Variants in PRKN observed in about 807,000 individuals in gnomAD.
The protein encoded by PRKN is parkin RBR E3 ubiquitin protein ligase.
Under a neutral mutation model 59.5 loss-of-function variants are expected in PRKN, and 56 were observed. That is an observed-to-expected ratio of 0.94 (90% CI 0.76 to 1.18). PRKN has a LOEUF of 1.18. PRKN is among the 50% of genes most tolerant of loss of function. PRKN has a pLI of 0.00. For missense variants in PRKN, 657 were observed against 596.4 expected, an observed-to-expected ratio of 1.10 and a Z score of -1.06; for synonymous variants, 250 against 222.1, an observed-to-expected ratio of 1.13 and a Z score of -1.12.
intron 1 of PRKN, among the ~76,000 whole-genome samples, chr6:162,546,304 T>C (rs1020616317): frequency 2.0e-5 from 3 of 151,974 alleles, no homozygotes; most frequent in Admixed American, 1.3e-4. Flanking sequence ...GGTTTTACCA[T>C]GTTGGCCAGG....
In PRKN at chr6:161,475,296, G is replaced by T. The variant is rs1791012157; in HGVS notation, c.1083+73558C>A. 6.6e-6 allele frequency among the ~76,000 whole-genome samples: 1 copy of T among 152,144 alleles called. No homozygotes were observed. The highest frequency in any genetic ancestry group is 2.4e-5 in the African/African-American group (1 of 41,426). On this transcript the variant is annotated intron_variant, in intron 9 of 11. Coordinates refer to ENST00000366898, the MANE Select transcript of PRKN (RefSeq NM_004562.3). This position sits in a 1 kb window ranked among gnomAD's most constrained non-coding sequence, Gnocchi z 5.3. ...AATGCAGTCACCTCTTCCCACACTG[G>T]TGACCCAGACATTCACGTTGCTTTC...
chr6:162,623,903 C>T (rs1382785964), intron 1 of PRKN, among the ~76,000 whole-genome samples: 1 of 152,108 alleles, frequency 6.6e-6, no homozygotes, highest in African/African-American at 2.4e-5. Context: ...GCTTCACAGC[C>T]TAGCTTCATT....
rs1784727959 is a variant in PRKN, at chr6:161,355,858, G to A, written c.1285+4230C>T. 6.6e-6 allele frequency among the ~76,000 whole-genome samples: 1 copy of A among 152,194 alleles called. No homozygotes were observed. Among genetic ancestry groups the A allele is most frequent in the African/African-American group, 2.4e-5 (1 of 41,446 alleles). On this transcript the variant is annotated intron_variant, in intron 11 of 11. Coordinates refer to ENST00000366898, the MANE Select transcript of PRKN (RefSeq NM_004562.3). The surrounding 1 kb of genome is among the most constrained non-coding windows in gnomAD (Gnocchi z 6.8). Reference sequence around the variant, plus strand: ...AATGAACAAATTAAGCAATGATCTGGGAAGGAAGTGGTGCTATGAAATTAT... The same window carrying A: ...AATGAACAAATTAAGCAATGATCTGAGAAGGAAGTGGTGCTATGAAATTAT...
intron 1 of PRKN, among the ~76,000 whole-genome samples, chr6:162,643,412 A>AAAAAGAAAG (rs71784410): frequency 7.2e-6 from 1 of 139,612 alleles, no homozygotes; most frequent in Non-Finnish European, 1.5e-5. Flanking sequence ...AAAAAAAAAA[A>AAAAAGAAAG]AAAGAAAGAA....
chr6:161,679,868 C>A (rs1235209038), intron 7 of PRKN, among the ~76,000 whole-genome samples: 1 of 150,038 alleles, frequency 6.7e-6, no homozygotes, highest in East Asian at 2.0e-4. Flanking sequence ...CATTCTCCTG[C>A]CTCAGCCCCC....
chr6:162,599,459 T>G (rs1781615547), intron 1 of PRKN, among the ~76,000 whole-genome samples: 2 of 151,756 alleles, frequency 1.3e-5, no homozygotes, highest in Admixed American at 6.6e-5. Flanking sequence ...GGGTTCAAAT[T>G]GACATACTTT....
At chr6:162,679,821 T>G (rs947501351) in intron 1 of PRKN, among the ~76,000 whole-genome samples, 1 of 152,160 alleles carries the variant, frequency 6.6e-6, no homozygotes, top group African/African-American at 2.4e-5. Flanking sequence ...CCCTCTCTAT[T>G]TTGCCTCTGA....
At chr6:161,626,372 G>A (rs746183728) in intron 7 of PRKN, among the ~76,000 whole-genome samples, 3 of 152,166 alleles carry the variant, frequency 2.0e-5, no homozygotes, top group Non-Finnish European at 2.9e-5. Context: ...ATGTGTACAC[G>A]AACAGGGGCC....
At chr6:162,572,973 A>G (rs1423278504) in intron 1 of PRKN, among the ~76,000 whole-genome samples, 1 of 152,206 alleles carries the variant, frequency 6.6e-6, no homozygotes, top group Non-Finnish European at 1.5e-5. Context: ...ACAGTCAGTA[A>G]AAGGCAACAG....
chr6:161,531,103 C>T (rs553172535), intron 9 of PRKN, among the ~76,000 whole-genome samples: 6 of 152,176 alleles, frequency 3.9e-5, no homozygotes, highest in South Asian at 2.1e-4. Flanking sequence ...TGTGCAAGGC[C>T]GGGCGCGGTG....
chr6:161,503,521 C>T lies in PRKN; in HGVS notation c.1083+45333G>A, dbSNP rs1005752493. 1.3e-5 allele frequency among the ~76,000 whole-genome samples: 2 copies of T among 152,144 alleles called. No homozygotes were observed. The highest frequency in any genetic ancestry group is 6.5e-5 in the Admixed American group (1 of 15,284). Reference sequence around the variant, plus strand: ...GTTTTAACTCACTTAATGGCTGCAACGGCCCCAGGAGGTAGATACTTATTA... The same window carrying T: ...GTTTTAACTCACTTAATGGCTGCAATGGCCCCAGGAGGTAGATACTTATTA... On this transcript the variant is annotated intron_variant, in intron 9 of 11. Coordinates refer to ENST00000366898, the MANE Select transcript of PRKN (RefSeq NM_004562.3). The surrounding 1 kb of genome is among the most constrained non-coding windows in gnomAD (Gnocchi z 5.1).
At chr6:162,601,359 T>C (rs571971354) in intron 1 of PRKN, among the ~76,000 whole-genome samples, 1 of 130,742 alleles carries the variant, frequency 7.6e-6, no homozygotes, top group South Asian at 2.7e-4. Context: ...TGGGTTTTGT[T>C]TTAGAAATTC....
At chr6:162,304,715 T>A (rs1415824625) in intron 2 of PRKN, among the ~76,000 whole-genome samples, 1 of 150,856 alleles carries the variant, frequency 6.6e-6, no homozygotes, top group Non-Finnish European at 1.5e-5. Context: ...GGGTACCAGA[T>A]AAACAAAAAT....
chr6:161,916,085 C>T (rs1386588121), intron 6 of PRKN, among the ~76,000 whole-genome samples: 1 of 152,082 alleles, frequency 6.6e-6, no homozygotes, highest in African/African-American at 2.4e-5. Flanking sequence ...AAGGAACATC[C>T]AGCTCAAACA....
intron 7 of PRKN, among the ~76,000 whole-genome samples, chr6:161,651,338 T>G (rs1582948241): frequency 1.3e-5 from 2 of 152,326 alleles, no homozygotes; most frequent in Non-Finnish European, 2.9e-5. Flanking sequence ...GACCATGTCT[T>G]TAAGTCTCTA....
At chr6:162,713,476 A>ATG (rs1308181276) in intron 1 of PRKN, among the ~76,000 whole-genome samples, 3 of 136,358 alleles carry the variant, frequency 2.2e-5, no homozygotes, top group Non-Finnish European at 4.6e-5. Context: ...CCTGGGCAAC[A>ATG]GAGTGAGACT....
At chr6:162,516,980 A>G (rs1238072237) in intron 1 of PRKN, among the ~76,000 whole-genome samples, 1 of 152,084 alleles carries the variant, frequency 6.6e-6, no homozygotes, top group African/African-American at 2.4e-5. Flanking sequence ...GTGTAAATAA[A>G]TGGATAAAAG....
chr6:161,723,449 G>A (rs1787310737), intron 7 of PRKN, among the ~76,000 whole-genome samples: 1 of 152,098 alleles, frequency 6.6e-6, no homozygotes, highest in African/African-American at 2.4e-5. Context: ...GGAAAGCATT[G>A]GTGTGGGAGG....
intron 2 of PRKN, among the ~76,000 whole-genome samples, chr6:162,329,791 G>A: frequency 6.6e-6 from 1 of 152,068 alleles, no homozygotes; most frequent in Non-Finnish European, 1.5e-5. Context: ...AATAAATCCT[G>A]TAAAACCACA....
Sources: gnomAD v4.1 joint callset for allele counts (sites outside exome capture counted in the v4.1 genomes callset) on GRCh38, gnomAD v4.1.1 for gene constraint, Gnocchi (gnomAD v3.1) non-coding constraint, MANE v1.5 for transcripts, NCBI Gene and HGNC (gene_info 2026-07-23, HGNC 2026-07-21) for gene names.